AGTPBP1: variants seen among roughly 807,000 people sequenced by gnomAD.
The protein encoded by AGTPBP1 is cytosolic carboxypeptidase 1.
In AGTPBP1, 70 loss-of-function variants were observed where a neutral mutation model predicts 143.9. The ratio of observed to expected loss-of-function variants is 0.49; its 90% CI spans 0.40 to 0.59. The LOEUF is 0.59. AGTPBP1 is among the 20% of genes least tolerant of loss of function. AGTPBP1 has a pLI of 0.00. For missense variants in AGTPBP1, 1,229 were observed against 1,464.5 expected, an observed-to-expected ratio of 0.84 and a Z score of 2.62; for synonymous variants, 463 against 500.2, an observed-to-expected ratio of 0.93 and a Z score of 0.99.
intron 3 of AGTPBP1, among the ~76,000 whole-genome samples, chr9:85,686,878 A>T (rs1461200381): frequency 6.6e-6 from 1 of 152,190 alleles, no homozygotes. Flanking sequence ...CAAAACAATT[A>T]GCAAAATGGC....
the AGTPBP1 span, chr9:85,781,302 T>A: frequency 6.4e-7 from 1 of 1,569,908 alleles, no homozygotes; most frequent in Admixed American, 2.1e-5. Context: ...CCAGCCGGGA[T>A]CATAAGAAGA....
chr9:85,692,339 T>C (rs868857640), intron 3 of AGTPBP1, among the ~76,000 whole-genome samples: 1 of 151,368 alleles, frequency 6.6e-6, no homozygotes, highest in Non-Finnish European at 1.5e-5. Context: ...AGTGGCACGA[T>C]CTCAGCTCAC....
At chr9:85,582,541 G>A (rs888948339) in intron 23 of AGTPBP1, among the ~76,000 whole-genome samples, 1 of 152,024 alleles carries the variant, frequency 6.6e-6, no homozygotes, top group African/African-American at 2.4e-5. Flanking sequence ...TTAGCTAGGA[G>A]TGGTGGTGGG....
At chr9:85,604,900 T>C (rs974258007) in intron 17 of AGTPBP1, among the ~76,000 whole-genome samples, 3 of 152,012 alleles carry the variant, frequency 2.0e-5, no homozygotes, top group African/African-American at 4.8e-5. Flanking sequence ...AAAGAATTAG[T>C]GAGCCTGAAG....
At chr9:85,699,313 C>G (rs1836493454) in intron 2 of AGTPBP1, among the ~76,000 whole-genome samples, 1 of 152,074 alleles carries the variant, frequency 6.6e-6, no homozygotes, top group African/African-American at 2.4e-5. Context: ...CATTATCACT[C>G]AAATATTTGT....
upstream of AGTPBP1, among the ~76,000 whole-genome samples, chr9:85,743,926 CTTT>C (rs10576766): frequency 0.036 from 4,760 of 132,398 alleles, 89 homozygotes; most frequent in African/African-American, 0.061. Flanking sequence ...CTTTTTCTTT[CTTT>C]TTTTTTTTTT....
In AGTPBP1 at chr9:85,587,701, A is replaced by G. The variant is rs1429932910; in HGVS notation, c.2903+597T>C. On this transcript the variant is annotated intron_variant, in intron 21 of 25. Transcript: ENST00000357081. ...ATCCTCATCTTTGGAGATACTCATG[A>G]CAACTATACTAAATCCCATCTTTCA... Among the ~76,000 whole-genome samples the G allele has an allele frequency of 4.6e-5, 7 of 152,302 alleles. No homozygotes were observed. In the East Asian group the frequency reaches 1.4e-3, roughly 29 times the overall value.
chr9:85,715,948 C>T (rs1837675675), intron 1 of AGTPBP1, among the ~76,000 whole-genome samples: 1 of 152,320 alleles, frequency 6.6e-6, no homozygotes, highest in South Asian at 2.1e-4. Flanking sequence ...ATTTTCATCA[C>T]CATAAAATCA....
chr9:85,771,052 A>G, the AGTPBP1 span, among the ~76,000 whole-genome samples: 15 of 152,338 alleles, frequency 9.8e-5, 1 homozygote, highest in South Asian at 1.7e-3. Context: ...GTTTCATAGC[A>G]TTGAGAACTA....
chr9:85,646,130 T>C (rs1832792674), intron 12 of AGTPBP1, among the ~76,000 whole-genome samples, 191 bp downstream of exon 12: 1 of 152,188 alleles, frequency 6.6e-6, no homozygotes, highest in East Asian at 1.9e-4. Context: ...AATAAGTTAC[T>C]TTAAGGTCCT....
chr9:85,798,056 TA>T, the AGTPBP1 span, among the ~76,000 whole-genome samples: 61 of 146,186 alleles, frequency 4.2e-4, no homozygotes, highest in Non-Finnish European at 8.0e-4. Flanking sequence ...CCACATCGGC[TA>T]TTTTTTTTTT....
chr9:85,656,604 T>TA (rs548157842), intron 10 of AGTPBP1, among the ~76,000 whole-genome samples: 2,554 of 148,886 alleles, frequency 0.017, 25 homozygotes, highest in Middle Eastern at 0.052. Context: ...ATAGCTTTCT[T>TA]AAAAAAAAAA....
chr9:85,564,758 T>C (rs1222079664), intron 25 of AGTPBP1, among the ~76,000 whole-genome samples: 1 of 152,276 alleles, frequency 6.6e-6, no homozygotes, highest in Non-Finnish European at 1.5e-5. Context: ...TGAAATCACC[T>C]AACAACACAT....
intron 4 of AGTPBP1, among the ~76,000 whole-genome samples, chr9:85,679,926 C>T (rs1360985936): frequency 6.6e-6 from 1 of 152,030 alleles, no homozygotes; most frequent in Non-Finnish European, 1.5e-5. Context: ...TATTATGATT[C>T]CATTTTCCAT....
intron 3 of AGTPBP1, among the ~76,000 whole-genome samples, chr9:85,688,254 T>C (rs1835624195): frequency 6.6e-6 from 1 of 151,886 alleles, no homozygotes; most frequent in African/African-American, 2.4e-5. Flanking sequence ...ATCAACAAAA[T>C]TGACAAACTT....
the AGTPBP1 span, among the ~76,000 whole-genome samples, chr9:85,749,870 A>C: frequency 7.1e-6 from 1 of 141,310 alleles, no homozygotes; most frequent in South Asian, 2.3e-4. Flanking sequence ...GGGAATTAGA[A>C]GTACTCCTGT....
At chr9:85,783,379 C>T in the AGTPBP1 span, among the ~76,000 whole-genome samples, 29 of 152,230 alleles carry the variant, frequency 1.9e-4, no homozygotes, top group African/African-American at 7.0e-4. Context: ...CAGTTATAAT[C>T]CTACCCACAT....
chr9:85,592,816 A>C, intron 18 of AGTPBP1, 112 bp from the exon 19 acceptor site: 1 of 1,307,860 alleles, frequency 7.6e-7, no homozygotes, highest in Middle Eastern at 2.2e-4. Context: ...GAGTCTGTAA[A>C]AAGTGTAACT....
At chr9:85,630,403 G>T (rs594587) in intron 14 of AGTPBP1, among the ~76,000 whole-genome samples, 76,025 of 151,316 alleles carry the variant, frequency 0.5, 21,800 homozygotes, top group East Asian at 0.86. Context: ...TATTTATTTA[G>T]TTATTTATTT....
Sources: allele counts gnomAD v4.1 joint callset (sites outside exome capture counted in the v4.1 genomes callset), GRCh38; gene constraint gnomAD v4.1.1; transcripts MANE v1.5; gene names NCBI Gene and HGNC (gene_info 2026-07-23, HGNC 2026-07-21).